TUBB6: variants seen among roughly 807,000 people sequenced by gnomAD.
The protein encoded by TUBB6 is tubulin beta-6 chain.
TUBB6 carries 18 observed loss-of-function variants against 32.3 expected under a neutral mutation model. The observed-to-expected ratio is 0.56, with a 90% confidence interval of 0.39 to 0.83. The LOEUF is 0.83. Among genes scored for constraint, TUBB6 ranks in the 40% least tolerant of loss-of-function variants. The pLI is 0.00. For missense variants in TUBB6, 480 were observed against 632.0 expected (o/e 0.76, Z 2.58); for synonymous variants, 280 against 265.8 (o/e 1.05, Z -0.52).
chr18:12,309,135 G>A (rs889830666), intron 2 of TUBB6, among the ~76,000 whole-genome samples: 1 of 152,034 alleles, frequency 6.6e-6, no homozygotes, highest in Non-Finnish European at 1.5e-5. Flanking sequence ...AGGATCATTT[G>A]GGGCCAGGAG....
chr18:12,308,249 C>T lies in TUBB6; in HGVS notation c.-44C>T. On this transcript the variant is annotated 5_prime_UTR_variant, in exon 1 of 4. Coordinates refer to ENST00000317702, the MANE Select transcript of TUBB6 (RefSeq NM_032525.3). ...GCGCGCAGCCGGCCCGCAGTTGCCG[C>T]TGTCGTCCGCAGAGCCAGTTCCTAG... 2.2e-6 allele frequency: 3 copies of T among 1,369,764 alleles called. No individual in the cohort carries two copies. Among genetic ancestry groups the T allele is most frequent in the East Asian group, 3.4e-5 (1 of 29,018 alleles). 84.9% of individuals were successfully genotyped at this position (1,369,764 alleles called of 1,614,324 possible). A position where few individuals can be genotyped will look rare whatever the true frequency, so the allele number is the denominator to read the frequency against.
At chr18:12,317,166 A>AT (rs1906719628) in intron 3 of TUBB6, among the ~76,000 whole-genome samples, 1 of 151,960 alleles carries the variant, frequency 6.6e-6, no homozygotes. Flanking sequence ...AAAAAAAAAA[A>AT]AAAAGAAAAC....
At chr18:12,327,447 T>G (rs1456935655), downstream of TUBB6, among the ~76,000 whole-genome samples, 1 of 152,260 alleles carries the variant, frequency 6.6e-6, no homozygotes, top group African/African-American at 2.4e-5. Context: ...ATTTATTTTG[T>G]GTTAAGCCCC....
At chr18:12,324,609 C>G (rs1907171292) in intron 3 of TUBB6, among the ~76,000 whole-genome samples, 1 of 151,866 alleles carries the variant, frequency 6.6e-6, no homozygotes, top group African/African-American at 2.4e-5. Flanking sequence ...CACCACCACG[C>G]CCGGCTGATT....
rs559616094 is a variant in TUBB6 at position 12,325,743 on chromosome 18, C to T, written c.954C>T (p.Arg318=). ...GRYLTVATVF[R]GPMSMKEVDE... ...ACCTGACCGTGGCCACCGTGTTCCG[C>T]GGGCCCATGTCCATGAAGGAGGTGG... The change falls in exon 4 of 4, where the codon CGC becomes CGT. Residue 318 remains arginine (R), a synonymous_variant. Transcript: ENST00000317702. The T allele has an allele frequency of 1.5e-5, 24 of 1,614,226 alleles. No individual in the cohort carries two copies. The South Asian group carries it at 1.6e-4, about 11-fold the overall frequency.
intron 3 of TUBB6, among the ~76,000 whole-genome samples, chr18:12,317,332 T>G (rs1174659596): frequency 1.3e-5 from 2 of 151,864 alleles, no homozygotes; most frequent in East Asian, 3.9e-4. Flanking sequence ...CGTGGTGGTG[T>G]GCACCTGGGG....
intron 2 of TUBB6, among the ~76,000 whole-genome samples, chr18:12,309,319 C>T (rs1469629208): frequency 6.6e-6 from 1 of 151,214 alleles, no homozygotes; most frequent in South Asian, 2.1e-4. Flanking sequence ...CGCCACTGCA[C>T]TCCAGCCTGG....
At chr18:12,320,908 G>GC (rs1308712875) in intron 3 of TUBB6, among the ~76,000 whole-genome samples, 1 of 152,230 alleles carries the variant, frequency 6.6e-6, no homozygotes, top group Non-Finnish European at 1.5e-5. Context: ...CTGTTCTACA[G>GC]CCCACTGCCC....
chr18:12,316,678 A>G (rs1017370087), intron 3 of TUBB6, among the ~76,000 whole-genome samples: 1 of 152,230 alleles, frequency 6.6e-6, no homozygotes, highest in Non-Finnish European at 1.5e-5. Context: ...AACATTCTAT[A>G]TTGTTTAGCT....
chr18:12,326,835 G>A (rs1169496705), downstream of TUBB6, among the ~76,000 whole-genome samples: 3 of 152,196 alleles, frequency 2.0e-5, no homozygotes, highest in Non-Finnish European at 4.4e-5. Context: ...TCCCAAGTCA[G>A]GTCCTGGGCT....
chr18:12,321,811 CAT>C (rs1598808932), intron 3 of TUBB6, among the ~76,000 whole-genome samples: 3 of 152,146 alleles, frequency 2.0e-5, no homozygotes, highest in Admixed American at 2.0e-4. Context: ...TTGACAAAGT[CAT>C]ATTAGAAATT....
intron 3 of TUBB6, among the ~76,000 whole-genome samples, chr18:12,316,160 G>A (rs1010592992): frequency 6.6e-6 from 1 of 152,252 alleles, no homozygotes; most frequent in East Asian, 1.9e-4. Context: ...CAGGTCTCAA[G>A]AGAGAGTCGA....
intron 3 of TUBB6, among the ~76,000 whole-genome samples, chr18:12,314,968 T>A (rs1051991936): frequency 2.4e-4 from 36 of 151,964 alleles, no homozygotes; most frequent in African/African-American, 8.0e-4. Context: ...CTTTGCTTTT[T>A]TTTTTTAGCA....
Position 12,308,343 on chromosome 18 carries a change from C to A in TUBB6, c.51C>A (p.Gly17=). Residue 17 remains glycine (G), a synonymous_variant, in exon 1 of 4, where the codon GGC becomes GGA. Coordinates refer to ENST00000317702, the MANE Select transcript of TUBB6 (RefSeq NM_032525.3). The part of the protein sequence containing the change: ...IQAGQCGNQI[G]TKFWEVISDE... ...CGGGCCAGTGCGGGAACCAGATCGGCACCAAGGTGGGCCTGGCGCGGTGCA... is the reference window on the plus strand; with the variant it reads ...CGGGCCAGTGCGGGAACCAGATCGGAACCAAGGTGGGCCTGGCGCGGTGCA... 1.4e-6 allele frequency: 2 copies of A among 1,477,280 alleles called. No individual in the cohort carries two copies. Among genetic ancestry groups the A allele is most frequent in the Non-Finnish European group, 9.0e-7 (1 of 1,109,754 alleles). 91.5% of individuals were successfully genotyped at this position (1,477,280 alleles called of 1,614,324 possible). A position where few individuals can be genotyped will look rare whatever the true frequency, so the allele number is the denominator to read the frequency against.
downstream of TUBB6, among the ~76,000 whole-genome samples, chr18:12,328,144 G>GGCCT (rs1227450195): frequency 6.6e-6 from 1 of 152,212 alleles, no homozygotes; most frequent in African/African-American, 2.4e-5. Context: ...CTGCTTCCAC[G>GGCCT]GCCTGCCGGG....
chr18:12,313,509 C>T (rs1247900090), intron 3 of TUBB6, among the ~76,000 whole-genome samples: 1 of 152,150 alleles, frequency 6.6e-6, no homozygotes, highest in African/African-American at 2.4e-5. Context: ...TGCCAGGGTC[C>T]CAGGCAAACT....
intron 3 of TUBB6, among the ~76,000 whole-genome samples, chr18:12,315,506 T>C (rs773785741): frequency 5.9e-5 from 9 of 152,246 alleles, no homozygotes; most frequent in Non-Finnish European, 1.3e-4. Context: ...CAAAGAAACG[T>C]AGCAACTGAA....
At chr18:12,314,709 G>C (rs953599781) in intron 3 of TUBB6, among the ~76,000 whole-genome samples, 9 of 152,212 alleles carry the variant, frequency 5.9e-5, no homozygotes, top group South Asian at 2.1e-4. Context: ...TGAAACAACA[G>C]TAAAAGACAG....
intron 3 of TUBB6, among the ~76,000 whole-genome samples, chr18:12,323,994 G>C (rs543361994): frequency 8.5e-5 from 13 of 152,120 alleles, no homozygotes; most frequent in Non-Finnish European, 1.8e-4. Flanking sequence ...ATAAATAATT[G>C]GTTCTGCAAA....
Sources: allele counts gnomAD v4.1 joint callset (sites outside exome capture counted in the v4.1 genomes callset), GRCh38; gene constraint gnomAD v4.1.1; transcripts MANE v1.5; gene names NCBI Gene and HGNC (gene_info 2026-07-23, HGNC 2026-07-21).